DLG2: variants seen among roughly 807,000 people sequenced by gnomAD.
DLG2 encodes disks large homolog 2.
DLG2 carries 45 observed loss-of-function variants against 132.5 expected under a neutral mutation model. The ratio of observed to expected loss-of-function variants is 0.34; its 90% CI spans 0.27 to 0.44. The LOEUF (loss-of-function observed/expected upper bound fraction) is 0.44. DLG2 is among the 20% of genes least tolerant of loss of function. The pLI is 1.00. For missense variants in DLG2, 1,045 were observed against 1,196.9 expected (o/e 0.87, Z 1.87); for synonymous variants, 424 against 419.6 (o/e 1.01, Z -0.13).
intron 3 of DLG2, among the ~76,000 whole-genome samples, chr11:85,287,733 A>G (rs1256648113): frequency 6.6e-6 from 1 of 152,176 alleles, no homozygotes; most frequent in Non-Finnish European, 1.5e-5. Flanking sequence ...CATTAGAAAC[A>G]TTCCAATGTC....
At chr11:84,150,794 T>C (rs1287573030) in intron 9 of DLG2, among the ~76,000 whole-genome samples, 1 of 152,178 alleles carries the variant, frequency 6.6e-6, no homozygotes. Context: ...TGATGTCTAG[T>C]TGGTTGAGAT....
At chr11:85,480,474 G>A (rs1048448341) in intron 3 of DLG2, among the ~76,000 whole-genome samples, 6 of 152,012 alleles carry the variant, frequency 3.9e-5, no homozygotes, top group Non-Finnish European at 8.8e-5. Context: ...ATGTGATATT[G>A]AACAAAAAAA....
intron 20 of DLG2, among the ~76,000 whole-genome samples, chr11:83,533,718 A>G (rs527394568): frequency 6.6e-6 from 1 of 152,336 alleles, no homozygotes; most frequent in East Asian, 1.9e-4. Context: ...TACAGGGTAC[A>G]TAGGGGATAT....
At chr11:83,962,660 T>G (rs1238715909) in intron 14 of DLG2, among the ~76,000 whole-genome samples, 1 of 152,024 alleles carries the variant, frequency 6.6e-6, no homozygotes, top group Non-Finnish European at 1.5e-5. Flanking sequence ...AATGGCAAAG[T>G]GATGTATAAG....
chr11:85,156,926 GA>G, intron 4 of DLG2, among the ~76,000 whole-genome samples: 1 of 152,336 alleles, frequency 6.6e-6, no homozygotes, highest in African/African-American at 2.4e-5. Context: ...TGATTGGACT[GA>G]AGGATGTAAA....
At chr11:84,944,089 G>A (rs74851225) in intron 6 of DLG2, among the ~76,000 whole-genome samples, 11,733 of 152,050 alleles carry the variant, frequency 0.077, 716 homozygotes, top group Non-Finnish European at 0.1. Flanking sequence ...CGAGAAATCT[G>A]CTGCCAGATG....
At chr11:83,639,772 G>T (rs1461460386) in intron 18 of DLG2, among the ~76,000 whole-genome samples, 1 of 144,786 alleles carries the variant, frequency 6.9e-6, no homozygotes, top group East Asian at 2.0e-4. Flanking sequence ...AAAAAAAAAA[G>T]GTACTGGGAG....
chr11:85,351,545 GT>G (rs1336225394), intron 3 of DLG2, among the ~76,000 whole-genome samples: 1 of 152,114 alleles, frequency 6.6e-6, no homozygotes, highest in East Asian at 1.9e-4. Flanking sequence ...TTGGCTGTGG[GT>G]TTGTCATAAA....
intron 6 of DLG2, among the ~76,000 whole-genome samples, chr11:84,706,584 G>A (rs1002859288): frequency 1.3e-5 from 2 of 151,698 alleles, no homozygotes; most frequent in East Asian, 1.9e-4. Flanking sequence ...ACATTAACAC[G>A]CTGGTACTGA....
intron 9 of DLG2, among the ~76,000 whole-genome samples, chr11:84,121,869 C>T (rs1043097859): frequency 6.6e-5 from 10 of 150,808 alleles, no homozygotes; most frequent in Non-Finnish European, 1.2e-4. Flanking sequence ...CCTTTCCTTG[C>T]TAACTTTTAA....
intron 6 of DLG2, among the ~76,000 whole-genome samples, chr11:84,783,334 C>G (rs917608567): frequency 5.9e-5 from 9 of 151,588 alleles, no homozygotes; most frequent in African/African-American, 2.2e-4. Context: ...TTCTAAGATC[C>G]CTTTCAGTTC....
intron 8 of DLG2, among the ~76,000 whole-genome samples, chr11:84,231,671 T>G (rs922892647): frequency 1.3e-5 from 2 of 152,130 alleles, no homozygotes; most frequent in African/African-American, 4.8e-5. Flanking sequence ...CTCTGAAATA[T>G]CATACTAGTG....
At chr11:84,932,159 T>C (rs2048168948) in intron 6 of DLG2, among the ~76,000 whole-genome samples, 1 of 152,240 alleles carries the variant, frequency 6.6e-6, no homozygotes, top group African/African-American at 2.4e-5. Flanking sequence ...TTTGTTGCAA[T>C]TGCTTTTGGC....
intron 11 of DLG2, among the ~76,000 whole-genome samples, chr11:84,042,530 C>A (rs1355876347): frequency 6.6e-6 from 1 of 151,724 alleles, no homozygotes; most frequent in African/African-American, 2.4e-5. Context: ...TTTCCAATGG[C>A]ACATTATGGT....
intron 6 of DLG2, among the ~76,000 whole-genome samples, chr11:84,987,943 T>G (rs2056677624): frequency 6.6e-6 from 1 of 152,182 alleles, no homozygotes; most frequent in African/African-American, 2.4e-5. Flanking sequence ...CAAAGAGTTT[T>G]TGCATGGCAA....
chr11:85,196,864 G>A (rs2081108669), intron 4 of DLG2, among the ~76,000 whole-genome samples: 1 of 152,202 alleles, frequency 6.6e-6, no homozygotes, highest in South Asian at 2.1e-4. Flanking sequence ...TCACGCACAT[G>A]CAGTTCTCTG....
intron 16 of DLG2, among the ~76,000 whole-genome samples, chr11:83,866,266 C>T (rs1565407193): frequency 6.6e-6 from 1 of 152,188 alleles, no homozygotes; most frequent in South Asian, 2.1e-4. Context: ...GGACAGTATT[C>T]AAAGAGAGGT....
intron 8 of DLG2, among the ~76,000 whole-genome samples, chr11:84,230,385 T>C (rs756485894): frequency 2.0e-5 from 3 of 152,210 alleles, no homozygotes; most frequent in Non-Finnish European, 2.9e-5. Context: ...GTTGATCTTG[T>C]TTGCTGCTAT....
intron 6 of DLG2, among the ~76,000 whole-genome samples, chr11:84,943,657 C>A (rs1409016770): frequency 1.3e-5 from 2 of 152,110 alleles, no homozygotes; most frequent in Non-Finnish European, 2.9e-5. Context: ...CGATTTTTAA[C>A]TTTTTATTGT....
Sources: allele counts gnomAD v4.1 joint callset (sites outside exome capture counted in the v4.1 genomes callset), GRCh38; gene constraint gnomAD v4.1.1; transcripts MANE v1.5; gene names NCBI Gene and HGNC (gene_info 2026-07-23, HGNC 2026-07-21).